Variants in GARRE1 observed in about 807,000 individuals in gnomAD.
GARRE1 encodes granule associated Rac and RHOG effector protein 1.
In GARRE1, 49 loss-of-function variants were observed where a neutral mutation model predicts 103.2. That is an observed-to-expected ratio of 0.47 (90% CI 0.38 to 0.60). The LOEUF is 0.60. GARRE1 is among the 20% of genes least tolerant of loss of function. The pLI is 0.00. For synonymous variants in GARRE1, 505 were observed against 532.8 expected (o/e 0.95, Z 0.72); for missense variants, 1,199 against 1,370.5 (o/e 0.87, Z 1.98).
chr19:34,343,483 T>C (rs1229371819), intron 10 of GARRE1, among the ~76,000 whole-genome samples: 1 of 151,852 alleles, frequency 6.6e-6, no homozygotes, highest in Admixed American at 6.6e-5. Flanking sequence ...TTAATAGCAA[T>C]ACATTTGGAA....
At chr19:34,303,687 C>T (rs1041317037) in intron 2 of GARRE1, among the ~76,000 whole-genome samples, 45 of 152,170 alleles carry the variant, frequency 3.0e-4, no homozygotes, top group African/African-American at 1.1e-3. Context: ...GTGATCTCGG[C>T]TCACTGCAGC....
chr19:34,305,691 G>T (rs2074004520), intron 2 of GARRE1, among the ~76,000 whole-genome samples: 4 of 152,212 alleles, frequency 2.6e-5, no homozygotes. Flanking sequence ...TTGGTAAGCC[G>T]CTGGGGCACA....
At chr19:34,330,070 A>T in intron 6 of GARRE1, 119 bp from the exon 7 acceptor site, 1 of 946,616 alleles carries the variant, frequency 1.1e-6, no homozygotes, top group Middle Eastern at 2.3e-4. Flanking sequence ...GGACGATAGA[A>T]AAATACATAA....
chr19:34,304,016 C>T lies in GARRE1; in HGVS notation c.495+3048C>T, dbSNP rs117556258. 1.1e-3 allele frequency among the ~76,000 whole-genome samples: 171 copies of T among 152,128 alleles called. 3 individuals carry two copies. In the East Asian group the frequency reaches 0.024, roughly 22 times the overall value. On this transcript the variant is annotated intron_variant, in intron 2 of 13. Transcript: ENST00000299505. Reference sequence around the variant, plus strand: ...ATGGATGGGGTTTGGCCGATGGGTTCTAGTTTGCTGCACCTGCTGGTATAA... The same window carrying T: ...ATGGATGGGGTTTGGCCGATGGGTTTTAGTTTGCTGCACCTGCTGGTATAA...
chr19:34,310,445 G>A (rs544934600), intron 2 of GARRE1, among the ~76,000 whole-genome samples: 11 of 152,352 alleles, frequency 7.2e-5, no homozygotes, highest in Non-Finnish European at 1.3e-4. Context: ...CCATCCCCCT[G>A]TGAGAACAGG....
intron 6 of GARRE1, 35 bp from the exon 7 acceptor site, chr19:34,330,149 TTTGTC>T (rs1474027101): frequency 5.7e-6 from 9 of 1,577,898 alleles, no homozygotes; most frequent in Middle Eastern, 3.3e-4. Context: ...CTTGCATGGC[TTTGTC>T]TTGAGGTGTG....
intron 1 of GARRE1, among the ~76,000 whole-genome samples, chr19:34,290,222 G>A (rs2073910160): frequency 6.6e-6 from 1 of 152,084 alleles, no homozygotes; most frequent in Non-Finnish European, 1.5e-5. Context: ...TGGGCGTGGT[G>A]CTGTATGCCT....
intron 2 of GARRE1, among the ~76,000 whole-genome samples, chr19:34,312,075 TA>T (rs1189852113): frequency 6.6e-6 from 1 of 152,042 alleles, no homozygotes; most frequent in African/African-American, 2.4e-5. Flanking sequence ...CTGGGCCTCC[TA>T]AAGTGCTGGG....
At chr19:34,258,950 A>C (rs2073694727) in intron 1 of GARRE1, among the ~76,000 whole-genome samples, 1 of 152,202 alleles carries the variant, frequency 6.6e-6, no homozygotes, top group East Asian at 1.9e-4. Context: ...CTGTGATCCC[A>C]GAAGTTTGGG....
At chr19:34,268,204 G>A (rs1367371471) in intron 1 of GARRE1, among the ~76,000 whole-genome samples, 1 of 152,084 alleles carries the variant, frequency 6.6e-6, no homozygotes, top group East Asian at 1.9e-4. Flanking sequence ...ATTTGATGCA[G>A]AAATTTTTAA....
At chr19:34,270,378 C>A (rs2073779680) in intron 1 of GARRE1, among the ~76,000 whole-genome samples, 2 of 152,154 alleles carry the variant, frequency 1.3e-5, no homozygotes, top group African/African-American at 4.8e-5. Flanking sequence ...GAGGACAGCA[C>A]TTTTGTGAAG....
intron 1 of GARRE1, among the ~76,000 whole-genome samples, chr19:34,270,859 G>T (rs1425741556): frequency 1.8e-4 from 28 of 152,168 alleles, no homozygotes. Context: ...ACATTTTGGG[G>T]TAGATAATTC....
At chr19:34,254,889 TCGG>T (rs2073660929) in intron 1 of GARRE1, among the ~76,000 whole-genome samples, 1 of 150,448 alleles carries the variant, frequency 6.6e-6, no homozygotes, top group African/African-American at 2.4e-5. Context: ...CGTCGGAGAC[TCGG>T]CGGCCGCGGC....
Position 34,316,674 on chromosome 19 carries a change from G to A in GARRE1, c.496-3233G>A, listed in dbSNP as rs73042861. Among the ~76,000 whole-genome samples the A allele has an allele frequency of 5.6e-3, 854 of 152,282 alleles. 8 individuals carry two copies. The highest frequency in any genetic ancestry group is 0.01 in the Middle Eastern group (3 of 294). On this transcript the variant is annotated intron_variant, in intron 2 of 13. Coordinates refer to ENST00000299505, the MANE Select transcript of GARRE1 (RefSeq NM_014686.5). Reference sequence around the variant, plus strand: ...GAAACAGCTGTTTCCAAGGTCCAGCGTTAACCATTGGTTTGATTGGCTTTG... The same window carrying A: ...GAAACAGCTGTTTCCAAGGTCCAGCATTAACCATTGGTTTGATTGGCTTTG...
chr19:34,336,148 G>T (rs2074160166), intron 8 of GARRE1, among the ~76,000 whole-genome samples: 1 of 151,802 alleles, frequency 6.6e-6, no homozygotes, highest in Non-Finnish European at 1.5e-5. Context: ...GTGCCATCAT[G>T]CCTGGCTAAT....
rs2074250238 is a variant in GARRE1, at chr19:34,353,213, C to A, written c.*258C>A. On this transcript the variant is annotated 3_prime_UTR_variant, in exon 14 of 14. Transcript: ENST00000299505. Reference sequence around the variant, plus strand: ...GGCCTTCAGGGGCTTGCTAGGGAACCTGCATGCCTAGTAAGCGCCACAGGT... The same window carrying A: ...GGCCTTCAGGGGCTTGCTAGGGAACATGCATGCCTAGTAAGCGCCACAGGT... The A allele has an allele frequency of 2.1e-6, 1 of 486,314 alleles. No individual in the cohort carries two copies. The highest frequency in any genetic ancestry group is 3.6e-6 in the Non-Finnish European group (1 of 275,268). The allele number at this position is 486,314 out of a possible 1,614,324, so 30.1% of individuals were successfully genotyped here. A position where few individuals can be genotyped will look rare whatever the true frequency, so the allele number is the denominator to read the frequency against.
intron 1 of GARRE1, among the ~76,000 whole-genome samples, chr19:34,266,568 G>C (rs946486787): frequency 6.6e-6 from 1 of 152,184 alleles, no homozygotes; most frequent in South Asian, 2.1e-4. Flanking sequence ...CACCATGTTG[G>C]CCAGGATGGT....
chr19:34,262,384 CTCCT>C (rs2073724519), intron 1 of GARRE1, among the ~76,000 whole-genome samples: 2 of 148,052 alleles, frequency 1.4e-5, no homozygotes, highest in Admixed American at 7.1e-5. Flanking sequence ...CAACCTCCAC[CTCCT>C]GGGTCGAAGC....
rs1300697673 is a variant in GARRE1 at position 34,333,809 on chromosome 19, G to C, written c.1361+8G>C. The stretch of plus-strand genomic sequence containing the variant: ...TCAAGTCCCATCCACATGGTAACGT[G>C]CCTCTTACTTTCACCGGAGCCTAAG... On this transcript the variant is annotated splice_region_variant and intron_variant, in intron 8 of 13. Transcript: ENST00000299505. 2.0e-6 allele frequency: 3 copies of C among 1,523,748 alleles called. No individual in the cohort carries two copies. The Admixed American group carries it at 5.0e-5, about 26-fold the overall frequency. 94.4% of individuals were successfully genotyped at this position (1,523,748 alleles called of 1,614,324 possible).
Sources: allele counts gnomAD v4.1 joint callset (sites outside exome capture counted in the v4.1 genomes callset), GRCh38; gene constraint gnomAD v4.1.1; transcripts MANE v1.5; gene names NCBI Gene and HGNC (gene_info 2026-07-23, HGNC 2026-07-21).